Variants in MPPED1 observed in about 807,000 individuals in gnomAD.
MPPED1 encodes metallophosphoesterase domain-containing protein 1.
In MPPED1, 16 loss-of-function variants were observed where a neutral mutation model predicts 36.2. The observed-to-expected ratio is 0.44, with a 90% confidence interval of 0.30 to 0.67. MPPED1 has a LOEUF of 0.67. Among genes scored for constraint, MPPED1 ranks in the 30% least tolerant of loss-of-function variants. MPPED1 has a pLI of 0.10. For missense variants in MPPED1, 307 were observed against 453.4 expected (o/e 0.68, Z 2.93); for synonymous variants, 199 against 191.3 (o/e 1.04, Z -0.33).
At chr22:43,476,686 G>A (rs905832649) in intron 4 of MPPED1, among the ~76,000 whole-genome samples, 14 of 152,058 alleles carry the variant, frequency 9.2e-5, no homozygotes, top group East Asian at 3.9e-4. Flanking sequence ...CCCTGGCCTC[G>A]GCAGGTGCCT....
intron 1 of MPPED1, 88 bp downstream of exon 1, chr22:43,412,246 A>T (rs1426438863): frequency 1.2e-6 from 1 of 832,702 alleles, no homozygotes; most frequent in Admixed American, 6.3e-5. Flanking sequence ...GCGCTGGGCG[A>T]CGCCCGCGGC....
intron 4 of MPPED1, 110 bp downstream of exon 4, chr22:43,475,071 C>T: frequency 2.1e-6 from 2 of 952,260 alleles, no homozygotes; most frequent in Non-Finnish European, 3.2e-6. Context: ...ATGCGAGGCT[C>T]AGGACTGAAT....
intron 6 of MPPED1, among the ~76,000 whole-genome samples, chr22:43,505,297 A>G (rs1394389611): frequency 6.6e-6 from 1 of 152,118 alleles, no homozygotes; most frequent in African/African-American, 2.4e-5. Flanking sequence ...ATTATCTCAT[A>G]TAATCCTCAC....
chr22:43,428,001 G>A (rs1297413634), intron 2 of MPPED1, among the ~76,000 whole-genome samples: 5 of 152,150 alleles, frequency 3.3e-5, no homozygotes, highest in Non-Finnish European at 1.5e-5. Flanking sequence ...TAGAGAAGGC[G>A]CGGTGGGCAG....
At chr22:43,482,380 G>A (rs1412803063) in intron 4 of MPPED1, among the ~76,000 whole-genome samples, 1 of 152,084 alleles carries the variant, frequency 6.6e-6, no homozygotes, top group African/African-American at 2.4e-5. Flanking sequence ...CCTGATTCTC[G>A]GCTCAGGGGT....
At chr22:43,499,716 G>A (rs1932578868) in intron 5 of MPPED1, among the ~76,000 whole-genome samples, 1 of 117,504 alleles carries the variant, frequency 8.5e-6, no homozygotes, top group Non-Finnish European at 1.8e-5. Flanking sequence ...GATGGTGGTG[G>A]TGATGGAGGT....
intron 5 of MPPED1, among the ~76,000 whole-genome samples, chr22:43,500,436 G>GTGGTGATGGTGA (rs1932696204): frequency 6.8e-6 from 1 of 147,162 alleles, no homozygotes; most frequent in African/African-American, 2.5e-5. Context: ...GGAGGTGGTG[G>GTGGTGATGGTGA]TGGAGGTGGT....
intron 1 of MPPED1, among the ~76,000 whole-genome samples, chr22:43,424,167 G>C (rs540217216): frequency 6.6e-6 from 1 of 152,208 alleles, no homozygotes; most frequent in African/African-American, 2.4e-5. Flanking sequence ...AAGATTGACG[G>C]GGCACATTAG....
chr22:43,495,385 G>A (rs1932239592), intron 4 of MPPED1, among the ~76,000 whole-genome samples: 1 of 150,796 alleles, frequency 6.6e-6, no homozygotes, highest in Admixed American at 6.6e-5. Context: ...TGGTGATGGT[G>A]GTGGTAGTGA....
chr22:43,505,053 T>C (rs913822101), intron 6 of MPPED1, among the ~76,000 whole-genome samples: 1 of 151,642 alleles, frequency 6.6e-6, no homozygotes, highest in South Asian at 2.1e-4. Flanking sequence ...TTGGTGATGA[T>C]GTTGATCATG....
At chr22:43,453,140 C>T (rs112617416) in intron 3 of MPPED1, among the ~76,000 whole-genome samples, 41 of 152,010 alleles carry the variant, frequency 2.7e-4, no homozygotes, top group African/African-American at 9.9e-4. Context: ...TTAATAGAGA[C>T]GGGGTTTCAC....
In MPPED1 at chr22:43,505,588, T is replaced by C. The variant is rs1932792876; in HGVS notation, c.953T>C (p.Ile318Thr). The change falls in exon 7 of 7, where the codon ATC (isoleucine) becomes ACC (threonine). Residue 318 changes from isoleucine to threonine, a missense_variant. Around this residue, in one of 3 missense-constraint regions of MPPED1, gnomAD observed 132 missense variants for 212.3 expected, o/e 0.62. Transcript: ENST00000443721. ...CAGCCCGTGAACCCGCCCATAGTCA[T>C]CGACCTCCCCACACCCCGGAACTCC... ...NYQPVNPPIV[I>T]DLPTPRNS 1 of 1,612,262 alleles carries C rather than the reference T, an allele frequency of 6.2e-7. No homozygotes were observed. Among genetic ancestry groups the C allele is most frequent in the Non-Finnish European group, 8.5e-7 (1 of 1,179,292 alleles).
intron 4 of MPPED1, among the ~76,000 whole-genome samples, chr22:43,495,927 AGGT>A (rs1569089208): frequency 7.5e-3 from 751 of 100,418 alleles, no homozygotes; most frequent in Middle Eastern, 0.021. Context: ...GTGGTGGTGG[AGGT>A]GATGGTGGAG....
chr22:43,504,314 T>C (rs1932772650), intron 6 of MPPED1, among the ~76,000 whole-genome samples: 1 of 151,908 alleles, frequency 6.6e-6, no homozygotes, highest in African/African-American at 2.4e-5. Flanking sequence ...GTGTTGGTGG[T>C]GATGATCATG....
intron 3 of MPPED1, among the ~76,000 whole-genome samples, chr22:43,461,632 A>T (rs1035775445): frequency 6.6e-6 from 1 of 152,200 alleles, no homozygotes; most frequent in African/African-American, 2.4e-5. Context: ...AAATAAAGTC[A>T]TTGAGAGCTG....
chr22:43,414,029 C>T (rs114135425), intron 1 of MPPED1, among the ~76,000 whole-genome samples: 1,811 of 152,302 alleles, frequency 0.012, 36 homozygotes, highest in African/African-American at 0.041. Flanking sequence ...GAATCACTCA[C>T]ATCCACCCTG....
At chr22:43,464,407 G>A (rs1458077008) in intron 3 of MPPED1, among the ~76,000 whole-genome samples, 2 of 151,906 alleles carry the variant, frequency 1.3e-5, no homozygotes, top group African/African-American at 2.4e-5. Context: ...ATACCTATGG[G>A]TTTTTCCTCC....
At chr22:43,499,762 TGGCGGTGGTGATGGTGGA>T (rs1932584852) in intron 5 of MPPED1, among the ~76,000 whole-genome samples, 1 of 31,740 alleles carries the variant, frequency 3.2e-5, no homozygotes. Flanking sequence ...GTGATGGAGG[TGGCGGTGGTGATGGTGGA>T]GGTGGTGGTG....
At chr22:43,448,199 A>C (rs926882003) in intron 3 of MPPED1, among the ~76,000 whole-genome samples, 2 of 152,084 alleles carry the variant, frequency 1.3e-5, no homozygotes, top group Non-Finnish European at 2.9e-5. Flanking sequence ...TGGGAATCAC[A>C]CTTTGAGTAA....
Sources: gnomAD v4.1 joint callset for allele counts (sites outside exome capture counted in the v4.1 genomes callset) on GRCh38, gnomAD v4.1.1 for gene constraint, gnomAD v4.1.1 regional missense constraint, MANE v1.5 for transcripts, NCBI Gene and HGNC (gene_info 2026-07-23, HGNC 2026-07-21) for gene names.